The following SLC39A8 variants were observed in gnomAD, a reference collection of about 807,000 sequenced individuals.
The protein encoded by SLC39A8 is solute carrier family 39 member 8.
In SLC39A8, 15 loss-of-function variants were observed where a neutral mutation model predicts 40.4. The observed-to-expected ratio is 0.37, with a 90% CI of 0.25 to 0.57. The LOEUF is 0.57. SLC39A8 is among the 20% of genes least tolerant of loss of function. The pLI, the probability that SLC39A8 is intolerant of heterozygous loss-of-function variation, is 0.75. For missense variants in SLC39A8, 472 were observed against 558.8 expected (o/e 0.84, Z 1.57); for synonymous variants, 223 against 221.6 (o/e 1.01, Z -0.06).
chr4:102,278,183 A>C (rs1041086710), intron 6 of SLC39A8, among the ~76,000 whole-genome samples: 17 of 152,366 alleles, frequency 1.1e-4, no homozygotes, highest in African/African-American at 4.1e-4. Context: ...AGAAACTATC[A>C]TCAGAGTGAA....
chr4:102,299,930 G>A (rs1048594022), intron 6 of SLC39A8, among the ~76,000 whole-genome samples: 3 of 151,924 alleles, frequency 2.0e-5, no homozygotes, highest in Non-Finnish European at 2.9e-5. Context: ...AGCCCCACCC[G>A]GCTGCAGAGA....
At chr4:102,322,023 T>A (rs1734988166) in intron 2 of SLC39A8, among the ~76,000 whole-genome samples, 1 of 152,114 alleles carries the variant, frequency 6.6e-6, no homozygotes, top group South Asian at 2.1e-4. Context: ...TTTGCCTTCC[T>A]GGAATGATGA....
At chr4:102,313,419 T>C (rs1734529491) in intron 3 of SLC39A8, among the ~76,000 whole-genome samples, 1 of 150,106 alleles carries the variant, frequency 6.7e-6, no homozygotes, top group South Asian at 2.1e-4. Context: ...ATTTTTGTCA[T>C]TGTTGTTGTT....
At chr4:102,267,768 T>G (rs1324984434) in intron 7 of SLC39A8, 94 bp from the exon 8 acceptor site, 1 of 1,536,334 alleles carries the variant, frequency 6.5e-7, no homozygotes, top group African/African-American at 1.4e-5. Context: ...AAGGTCTTCA[T>G]TTTAGTGCAT....
chr4:102,305,882 C>A (rs1253877597), intron 4 of SLC39A8, among the ~76,000 whole-genome samples: 1 of 151,920 alleles, frequency 6.6e-6, no homozygotes, highest in Non-Finnish European at 1.5e-5. Context: ...AACTTTACAC[C>A]ATTCCACACA....
chr4:102,291,323 G>GCA (rs34019048), intron 6 of SLC39A8, among the ~76,000 whole-genome samples: 25,310 of 151,038 alleles, frequency 0.17, 2,461 homozygotes, highest in Middle Eastern at 0.23. Flanking sequence ...GAGTTATTCA[G>GCA]CACACACACA....
intron 6 of SLC39A8, among the ~76,000 whole-genome samples, chr4:102,300,214 C>G (rs186443954): frequency 6.6e-6 from 1 of 152,136 alleles, no homozygotes; most frequent in East Asian, 1.9e-4. Context: ...AAGGAACTCT[C>G]AAATCATTTC....
intron 2 of SLC39A8, among the ~76,000 whole-genome samples, chr4:102,322,224 G>A (rs184005584): frequency 7.2e-5 from 11 of 152,158 alleles, no homozygotes; most frequent in Admixed American, 2.0e-4. Context: ...CATTTCTGCC[G>A]CCATGTGAAA....
chr4:102,264,422 T>G (rs1336943450), intron 8 of SLC39A8, among the ~76,000 whole-genome samples: 1 of 152,224 alleles, frequency 6.6e-6, no homozygotes, highest in African/African-American at 2.4e-5. Flanking sequence ...TAAACCATGC[T>G]GTAAACAGAT....
At chr4:102,267,401 A>G (rs1352342413) in intron 8 of SLC39A8, 89 bp downstream of exon 8, 7 of 1,228,256 alleles carry the variant, frequency 5.7e-6, no homozygotes, top group Non-Finnish European at 7.8e-6. Context: ...CACTGCGGAA[A>G]GCAGAAGGCC....
downstream of SLC39A8, among the ~76,000 whole-genome samples, chr4:102,257,414 A>G (rs1046874485): frequency 6.6e-6 from 1 of 152,212 alleles, no homozygotes; most frequent in Non-Finnish European, 1.5e-5. Flanking sequence ...ATTGGAAATA[A>G]GGAAAACAAG....
At chr4:102,265,103 C>T (rs1409434817) in intron 8 of SLC39A8, among the ~76,000 whole-genome samples, 2 of 152,208 alleles carry the variant, frequency 1.3e-5, no homozygotes, top group Non-Finnish European at 2.9e-5. Context: ...ATCTGGCAAA[C>T]AAAGTCTAGC....
chr4:102,286,679 A>C (rs1246087392), intron 6 of SLC39A8, among the ~76,000 whole-genome samples: 4 of 152,158 alleles, frequency 2.6e-5, no homozygotes, highest in African/African-American at 9.7e-5. Context: ...CTTGCCAAAA[A>C]AATTGTTTCA....
intron 2 of SLC39A8, among the ~76,000 whole-genome samples, chr4:102,321,940 T>C (rs921554133): frequency 2.6e-5 from 4 of 152,234 alleles, no homozygotes; most frequent in Non-Finnish European, 5.9e-5. Context: ...AGCCAGTATA[T>C]AAGCCCGAGT....
At chr4:102,254,880 T>G (rs904416111) in intron 11 of SLC39A8, among the ~76,000 whole-genome samples, 16 of 152,214 alleles carry the variant, frequency 1.1e-4, no homozygotes, top group African/African-American at 3.6e-4. Flanking sequence ...TTGAGGCCCC[T>G]TTTGGCTCCA....
downstream of SLC39A8, among the ~76,000 whole-genome samples, chr4:102,258,908 T>A (rs1331869400): frequency 6.6e-6 from 1 of 152,194 alleles, no homozygotes; most frequent in Non-Finnish European, 1.5e-5. Flanking sequence ...AGATTTTAAA[T>A]TGTTCCAAAC....
intron 2 of SLC39A8, among the ~76,000 whole-genome samples, chr4:102,341,595 T>G (rs1337303672): frequency 6.6e-6 from 1 of 152,202 alleles, no homozygotes; most frequent in African/African-American, 2.4e-5. Context: ...TCTTCTTTGT[T>G]GTTTTGGTCA....
intron 2 of SLC39A8, among the ~76,000 whole-genome samples, chr4:102,336,433 G>C (rs534402964): frequency 1.3e-5 from 2 of 152,250 alleles, no homozygotes; most frequent in South Asian, 2.1e-4. Flanking sequence ...GGTCTAAGAA[G>C]CTCACCAAAT....
intron 6 of SLC39A8, among the ~76,000 whole-genome samples, chr4:102,284,612 G>A (rs10489123): frequency 0.087 from 13,238 of 152,148 alleles, 626 homozygotes; most frequent in South Asian, 0.17. Flanking sequence ...TGTCACAAAA[G>A]TAGCCTGATA....
Sources: allele counts gnomAD v4.1 joint callset (sites outside exome capture counted in the v4.1 genomes callset), GRCh38; gene constraint gnomAD v4.1.1; transcripts MANE v1.5; gene names NCBI Gene and HGNC (gene_info 2026-07-23, HGNC 2026-07-21).